The following ELMO1 variants were observed in gnomAD, a reference collection of about 807,000 sequenced individuals.
ELMO1 encodes engulfment and cell motility 1, also known as engulfment and cell motility protein 1.
In ELMO1, 26 loss-of-function variants were observed where a neutral mutation model predicts 98.9. The ratio of observed to expected loss-of-function variants is 0.26; its 90% CI spans 0.19 to 0.36. The LOEUF (loss-of-function observed/expected upper bound fraction) is 0.36. Among genes scored for constraint, ELMO1 ranks in the 10% least tolerant of loss-of-function variants. The probability of loss-of-function intolerance (pLI) is 1.00; values close to 1 mark genes in which losing one functional copy is unlikely to be tolerated. For missense variants in ELMO1, 627 were observed against 935.2 expected (o/e 0.67, Z 4.30); for synonymous variants, 346 against 346.0 (o/e 1.00, Z 0.00).
chr7:36,884,525 G>A (rs777436645), intron 18 of ELMO1, among the ~76,000 whole-genome samples: 3 of 152,106 alleles, frequency 2.0e-5, no homozygotes, highest in Admixed American at 6.5e-5. Flanking sequence ...CAGATTGCCC[G>A]AGGCTACCCA....
At chr7:37,091,005 A>C (rs1784051390) in intron 15 of ELMO1, among the ~76,000 whole-genome samples, 1 of 152,194 alleles carries the variant, frequency 6.6e-6, no homozygotes, top group Non-Finnish European at 1.5e-5. Context: ...CTGACATCGG[A>C]ATATAATTGG....
intron 16 of ELMO1, among the ~76,000 whole-genome samples, chr7:36,944,062 T>A (rs1787274669): frequency 6.6e-6 from 1 of 152,230 alleles, no homozygotes; most frequent in African/African-American, 2.4e-5. Context: ...CAATGCCACC[T>A]GGTATTGCCA....
intron 1 of ELMO1, among the ~76,000 whole-genome samples, chr7:37,395,195 G>A (rs938545400): frequency 2.6e-5 from 4 of 151,862 alleles, no homozygotes; most frequent in African/African-American, 9.7e-5. Flanking sequence ...GAGAAACCCC[G>A]TCTCTACTAA....
chr7:37,338,411 T>C (rs1800538658), intron 2 of ELMO1, among the ~76,000 whole-genome samples: 1 of 152,154 alleles, frequency 6.6e-6, no homozygotes, highest in African/African-American at 2.4e-5. Context: ...CAAGGCACCA[T>C]TTATGAGGAA....
intron 16 of ELMO1, among the ~76,000 whole-genome samples, chr7:37,011,296 A>G (rs1203827354): frequency 1.3e-5 from 2 of 152,174 alleles, no homozygotes; most frequent in Non-Finnish European, 2.9e-5. Flanking sequence ...CATGGCCATG[A>G]TAAGCCACAG....
At chr7:37,338,345 G>C (rs1403505425) in intron 2 of ELMO1, among the ~76,000 whole-genome samples, 1 of 152,144 alleles carries the variant, frequency 6.6e-6, no homozygotes, top group Admixed American at 6.6e-5. Context: ...CATGGTGGTG[G>C]TATAAAAACA....
chr7:37,158,878 G>C (rs558793817), intron 13 of ELMO1, among the ~76,000 whole-genome samples: 2 of 152,174 alleles, frequency 1.3e-5, no homozygotes, highest in South Asian at 4.2e-4. Flanking sequence ...GGCACTATTC[G>C]CAATAGCAAG....
intron 5 of ELMO1, among the ~76,000 whole-genome samples, chr7:37,260,874 A>G (rs1795941569): frequency 1.3e-5 from 2 of 152,178 alleles, no homozygotes; most frequent in African/African-American, 4.8e-5. Context: ...GCTGGGTGAG[A>G]ATTATTTATC....
At chr7:37,235,855 G>A (rs1273961895) in intron 7 of ELMO1, among the ~76,000 whole-genome samples, 1 of 152,224 alleles carries the variant, frequency 6.6e-6, no homozygotes, top group African/African-American at 2.4e-5. Context: ...AGGAGGTGGA[G>A]GCTGCAGTGA....
At chr7:37,393,637 G>A (rs1266444302) in intron 1 of ELMO1, among the ~76,000 whole-genome samples, 1 of 152,194 alleles carries the variant, frequency 6.6e-6, no homozygotes, top group African/African-American at 2.4e-5. Context: ...TGCTGCTACT[G>A]ATTAGATTCA....
rs566790011 is a variant in ELMO1, at chr7:37,315,687, T to G, written c.119+233A>C. Among the ~76,000 whole-genome samples the G allele has an allele frequency of 4.6e-5, 7 of 152,282 alleles. No individual in the cohort carries two copies. The East Asian group carries it at 1.3e-3, about 29-fold the overall frequency. On this transcript the variant is annotated intron_variant, in intron 3 of 21. Transcript: ENST00000310758. ...AAGGAACACAACTTCCTAAAATAAA[T>G]AAAGCCAACCCCACTGTGCACATAA... is the stretch of plus-strand genomic sequence containing the variant.
intron 1 of ELMO1, among the ~76,000 whole-genome samples, chr7:37,387,708 T>C (rs981508436): frequency 6.6e-6 from 1 of 152,224 alleles, no homozygotes; most frequent in Admixed American, 6.5e-5. Flanking sequence ...CAGATGTCTG[T>C]TCCACTCGCT....
chr7:36,973,512 G>A (rs1017466540), intron 16 of ELMO1, among the ~76,000 whole-genome samples: 1 of 152,152 alleles, frequency 6.6e-6, no homozygotes, highest in African/African-American at 2.4e-5. Context: ...CCATCATTAG[G>A]ATGGTCTTGA....
chr7:36,930,071 G>A (rs905417759), intron 16 of ELMO1, among the ~76,000 whole-genome samples: 3 of 152,180 alleles, frequency 2.0e-5, no homozygotes, highest in African/African-American at 7.2e-5. Flanking sequence ...AAAGAGAGTT[G>A]GGAAACACAT....
intron 6 of ELMO1, among the ~76,000 whole-genome samples, chr7:37,256,265 A>G (rs1051377064): frequency 1.3e-5 from 2 of 152,114 alleles, no homozygotes; most frequent in African/African-American, 4.8e-5. Flanking sequence ...TCATCCTTGA[A>G]AAAAATAAAT....
intron 13 of ELMO1, among the ~76,000 whole-genome samples, chr7:37,207,906 C>T (rs916470792): frequency 1.3e-5 from 2 of 152,176 alleles, no homozygotes; most frequent in Admixed American, 1.3e-4. Flanking sequence ...TGTGTTATGA[C>T]TAAACTTACA....
At position 37,213,397 on chromosome 7, in the gene ELMO1, G is replaced by A. The variant is rs760695466; in HGVS notation, c.892C>T (p.Gln298Ter). Residue 298 changes from glutamine (Q) to a stop codon, truncating the protein, a stop_gained, in exon 12 of 22, where the codon CAA becomes TAA. Transcript: ENST00000310758. LOFTEE classifies it high-confidence loss of function. ...NEMAHQLYVLQVLTFNLLEDR... is the reference protein window; with the variant it reads ...NEMAHQLYVL ...TCCAGGAGGTTAAAGGTGAGCACTT[G>A]TAGAACATACAGCTGGTGCGCCATC... 1 of 1,612,622 alleles carries A rather than the reference G, an allele frequency of 6.2e-7. No homozygotes were observed. Among genetic ancestry groups the A allele is most frequent in the African/African-American group, 1.3e-5 (1 of 74,890 alleles).
At chr7:37,444,150 G>T (rs920800770) in intron 1 of ELMO1, among the ~76,000 whole-genome samples, 3 of 152,166 alleles carry the variant, frequency 2.0e-5, no homozygotes, top group Non-Finnish European at 2.9e-5. Flanking sequence ...TCTTTGGATA[G>T]CCAATCCAAG....
At chr7:36,895,821 G>A (rs1401607449) in intron 16 of ELMO1, among the ~76,000 whole-genome samples, 1 of 152,190 alleles carries the variant, frequency 6.6e-6, no homozygotes, top group African/African-American at 2.4e-5. Context: ...TCCATTACAG[G>A]TGATAGCAAC....
Sources: gnomAD v4.1 joint callset for allele counts (sites outside exome capture counted in the v4.1 genomes callset) on GRCh38, gnomAD v4.1.1 for gene constraint, MANE v1.5 for transcripts, NCBI Gene and HGNC (gene_info 2026-07-23, HGNC 2026-07-21) for gene names.